The following RBFOX1 variants were observed in gnomAD, a reference collection of about 807,000 sequenced individuals.
The protein encoded by RBFOX1 is RNA binding protein fox-1 homolog 1.
A neutral mutation model predicts 57.7 loss-of-function variants in RBFOX1; 8 were observed. The observed-to-expected ratio is 0.14, with a 90% CI of 0.08 to 0.25. The LOEUF (loss-of-function observed/expected upper bound fraction) is 0.25, where lower values mean the gene tolerates loss of function less well. RBFOX1 is among the 10% of genes least tolerant of loss of function. RBFOX1 has a pLI of 1.00. For missense variants in RBFOX1, 611 were observed against 548.5 expected, an observed-to-expected ratio of 1.11 and a Z score of -1.14; for synonymous variants, 326 against 222.4, an observed-to-expected ratio of 1.47 and a Z score of -4.15.
intron 9 of RBFOX1, 128 bp downstream of exon 9, chr16:7,597,559 T>G (rs2094770457): frequency 1.3e-6 from 1 of 743,256 alleles, no homozygotes; most frequent in East Asian, 2.9e-5. Context: ...ACTACTGACC[T>G]GCTACAGTGA....
chr16:5,304,680 G>A (rs1375528408), intron 1 of RBFOX1, among the ~76,000 whole-genome samples: 1 of 152,084 alleles, frequency 6.6e-6, no homozygotes, highest in East Asian at 1.9e-4. Flanking sequence ...AGAGCTCATG[G>A]GCTAGCAGGG....
At chr16:6,563,899 C>T (rs113791563) in intron 2 of RBFOX1, among the ~76,000 whole-genome samples, 31 of 150,654 alleles carry the variant, frequency 2.1e-4, no homozygotes, top group African/African-American at 6.1e-4. Flanking sequence ...TGTATATGTG[C>T]GTATATGTGT....
At chr16:7,330,519 TGTGTGTAGAGAG>T in intron 4 of RBFOX1, among the ~76,000 whole-genome samples, 1 of 128,286 alleles carries the variant, frequency 7.8e-6, no homozygotes. Flanking sequence ...TTTGTGTGTG[TGTGTGTAGAGAG>T]AGAGAGAGAG....
At chr16:6,144,135 A>T (rs1369168631) in intron 1 of RBFOX1, among the ~76,000 whole-genome samples, 1 of 152,118 alleles carries the variant, frequency 6.6e-6, no homozygotes, top group Non-Finnish European at 1.5e-5. Flanking sequence ...GTTCTGAAGC[A>T]TGTATTCCTA....
At chr16:7,281,646 A>G (rs1338191022) in intron 4 of RBFOX1, among the ~76,000 whole-genome samples, 3 of 152,102 alleles carry the variant, frequency 2.0e-5, no homozygotes, top group Non-Finnish European at 1.5e-5. Flanking sequence ...TCTAGTCTAG[A>G]TGAGAAGACA....
At chr16:7,068,661 A>T (rs11641010) in intron 4 of RBFOX1, among the ~76,000 whole-genome samples, 107,756 of 151,694 alleles carry the variant, frequency 0.71, 38,997 homozygotes, top group East Asian at 0.91. Context: ...ATCTCAGTTC[A>T]TTGCAACCTC....
intron 1 of RBFOX1, among the ~76,000 whole-genome samples, chr16:5,290,025 G>C (rs2063495348): frequency 6.6e-6 from 1 of 152,204 alleles, no homozygotes; most frequent in Non-Finnish European, 1.5e-5. Context: ...CCATGCAATG[G>C]AATATTATTC....
Position 5,455,020 on chromosome 16 carries a change from T to TTTCTTTCTTTCC in RBFOX1, c.220-12192_220-12191insTTCTTTCCTTCT, listed in dbSNP as rs1555524318. ...CTTTCTTTCTTTCTTTCTTTCTTTC[T>TTTCTTTCTTTCC]TTCTCTCTCTCTGTCTGTCTCTCTT... On this transcript the variant is annotated intron_variant, in intron 1 of 2. Transcript: ENST00000585867. Among the ~76,000 whole-genome samples the TTTCTTTCTTTCC allele has an allele frequency of 2.2e-3, 260 of 115,778 alleles. 8 individuals carry two copies. Among genetic ancestry groups the TTTCTTTCTTTCC allele is most frequent in the African/African-American group, 7.9e-3 (244 of 30,992 alleles). The allele number at this position is 115,778 out of a possible 152,430, so 76.0% of individuals were successfully genotyped here.
chr16:6,931,917 G>T (rs112053606), intron 3 of RBFOX1, among the ~76,000 whole-genome samples: 2,222 of 152,246 alleles, frequency 0.015, 58 homozygotes, highest in African/African-American at 0.05. Flanking sequence ...GGGAGGAGGC[G>T]AGGAGTAAGC....
At chr16:5,378,077 C>T (rs1463524674) in intron 1 of RBFOX1, among the ~76,000 whole-genome samples, 3 of 151,522 alleles carry the variant, frequency 2.0e-5, no homozygotes, top group African/African-American at 4.9e-5. Context: ...TGTTGCACTG[C>T]CTGCCAATTT....
intron 3 of RBFOX1, among the ~76,000 whole-genome samples, chr16:5,688,327 A>G (rs1039301820): frequency 1.3e-5 from 2 of 152,204 alleles, no homozygotes; most frequent in Non-Finnish European, 2.9e-5. Flanking sequence ...TTTGCATTGC[A>G]ACAAGAATTT....
Position 6,220,081 on chromosome 16 carries a change from T to C in RBFOX1, c.-126-96914T>C, listed in dbSNP as rs556374427. 5.9e-5 allele frequency among the ~76,000 whole-genome samples: 9 copies of C among 152,266 alleles called. No individual in the cohort carries two copies. In the East Asian group the frequency reaches 1.7e-3, roughly 29 times the overall value. On this transcript the variant is annotated intron_variant, in intron 1 of 15. Transcript: ENST00000550418. ...ATGAATATATAAATGTATTTATCTATATTTTTCTATATGTACATATATAAG... is the reference window on the plus strand; with the variant it reads ...ATGAATATATAAATGTATTTATCTACATTTTTCTATATGTACATATATAAG...
chr16:6,417,853 C>T (rs992816692), intron 2 of RBFOX1, among the ~76,000 whole-genome samples: 2 of 151,916 alleles, frequency 1.3e-5, no homozygotes, highest in African/African-American at 4.8e-5. Context: ...CTGATTTACA[C>T]ATGTAAATCA....
chr16:6,991,980 C>A (rs147486478), intron 3 of RBFOX1, among the ~76,000 whole-genome samples: 1 of 152,222 alleles, frequency 6.6e-6, no homozygotes, highest in South Asian at 2.1e-4. Flanking sequence ...TAACAGGACT[C>A]CCTGTGTTTC....
chr16:5,689,205 C>A (rs2050594686), intron 3 of RBFOX1, among the ~76,000 whole-genome samples: 1 of 152,172 alleles, frequency 6.6e-6, no homozygotes, highest in Non-Finnish European at 1.5e-5. Context: ...CTCAGTATGG[C>A]ACTCATTAAG....
intron 3 of RBFOX1, among the ~76,000 whole-genome samples, chr16:5,700,925 G>C (rs186518034): frequency 7.3e-4 from 111 of 152,304 alleles, no homozygotes; most frequent in African/African-American, 2.5e-3. Flanking sequence ...TAGTGTCTGA[G>C]AGTAAGAAAA....
intron 4 of RBFOX1, among the ~76,000 whole-genome samples, chr16:7,424,322 C>T (rs1026012846): frequency 2.0e-5 from 3 of 152,042 alleles, no homozygotes; most frequent in Non-Finnish European, 2.9e-5. Context: ...TGCAGTGATG[C>T]AATCTTTTCT....
intron 3 of RBFOX1, among the ~76,000 whole-genome samples, chr16:6,893,328 C>G (rs1465394670): frequency 1.3e-5 from 2 of 152,140 alleles, no homozygotes; most frequent in African/African-American, 4.8e-5. Flanking sequence ...AGATCAAACT[C>G]ATATAGGTCA....
At chr16:5,746,846 T>C (rs898447549) in intron 3 of RBFOX1, among the ~76,000 whole-genome samples, 3 of 152,168 alleles carry the variant, frequency 2.0e-5, no homozygotes, top group Non-Finnish European at 4.4e-5. Flanking sequence ...TGGGCTGAGA[T>C]GGTGGGGTTT....
Sources: allele counts gnomAD v4.1 joint callset (sites outside exome capture counted in the v4.1 genomes callset), GRCh38; gene constraint gnomAD v4.1.1; transcripts MANE v1.5; gene names NCBI Gene and HGNC (gene_info 2026-07-23, HGNC 2026-07-21).